Variants in DBR1 observed in about 807,000 individuals in gnomAD.
DBR1 encodes the protein debranching RNA lariats 1.
A neutral mutation model predicts 45.9 loss-of-function variants in DBR1; 33 were observed. The observed-to-expected ratio is 0.72, with a 90% CI of 0.55 to 0.96. The LOEUF is 0.96. Ranked by LOEUF, DBR1 falls within the 40% of genes least tolerant of loss-of-function variation. The pLI is 0.00. For missense variants in DBR1, 619 were observed against 667.4 expected, an observed-to-expected ratio of 0.93 and a Z score of 0.80; for synonymous variants, 235 against 235.9, an observed-to-expected ratio of 1.00 and a Z score of 0.04.
At chr3:138,163,738 A>C in intron 6 of DBR1, 40 bp downstream of exon 6, 2 of 1,400,338 alleles carry the variant, frequency 1.4e-6, no homozygotes, top group South Asian at 1.4e-5. Context: ...AGTCTCTGGA[A>C]GAGTACAACT....
At chr3:138,174,003 A>C (rs2042967044) in intron 1 of DBR1, among the ~76,000 whole-genome samples, 3 of 145,038 alleles carry the variant, frequency 2.1e-5, no homozygotes, top group African/African-American at 5.1e-5. Context: ...CCTGGGCAAC[A>C]AAGCGAAACT....
rs748550313 is a variant in DBR1, at chr3:138,162,156, A to T, written c.1368T>A (p.Asp456Glu). 1 of 1,614,188 alleles carries T rather than the reference A, an allele frequency of 6.2e-7. No individual in the cohort carries two copies. Among genetic ancestry groups the T allele is most frequent in the Non-Finnish European group, 8.5e-7 (1 of 1,180,028 alleles). Residue 456 changes from aspartate to glutamate, a missense_variant, in exon 8 of 8, where the codon GAT becomes GAA. Physicochemically the swap from Asp to Glu is conservative, Grantham distance 45. This residue lies in a region of DBR1 where 182 missense variants were observed against 196.1 expected (regional missense o/e 0.93). Transcript: ENST00000260803. ...AACTTGCAGAAAACTCAGAAGCTTG[A>T]TCAGAAGGTTCTACCGATGGTGTAT... is the stretch of plus-strand genomic sequence containing the variant. ...GMNTPSVEPS[D>E]QASEFSASFS...
intron 4 of DBR1, among the ~76,000 whole-genome samples, chr3:138,167,577 C>T (rs2042936348): frequency 6.6e-6 from 1 of 152,204 alleles, no homozygotes; most frequent in Admixed American, 6.5e-5. Flanking sequence ...ATTAGACTGC[C>T]AGTCATCTAA....
chr3:138,165,598 G>T (rs183807451), intron 5 of DBR1, among the ~76,000 whole-genome samples: 1 of 152,002 alleles, frequency 6.6e-6, no homozygotes, highest in African/African-American at 2.4e-5. Flanking sequence ...GCGTGGTGGC[G>T]GGCGCCTGTA....
intron 2 of DBR1, 33 bp from the exon 3 acceptor site, chr3:138,171,746 G>A (rs753027527): frequency 2.7e-6 from 4 of 1,475,730 alleles, no homozygotes; most frequent in Non-Finnish European, 2.8e-6. Context: ...ATTACTGTAG[G>A]CAAAAGGAAT....
Position 138,161,995 on chromosome 3 carries a change from A to G in DBR1, c.1529T>C (p.Leu510Ser). 6.2e-7 allele frequency: 1 copy of G among 1,614,114 alleles called. No homozygotes were observed. Among genetic ancestry groups the G allele is most frequent in the South Asian group, 1.1e-5 (1 of 91,080 alleles). ...GNGEDLTKVPLKRLSDEHEPE... is the reference protein window; with the variant it reads ...GNGEDLTKVPSKRLSDEHEPE... ...TTCATGTTCATCACTCAGCCTCTTCAATGGCACCTTGGTTAAGTCCTCTCC... is the reference window on the plus strand; with the variant it reads ...TTCATGTTCATCACTCAGCCTCTTCGATGGCACCTTGGTTAAGTCCTCTCC... Residue 510 changes from leucine to serine, a missense_variant, in exon 8 of 8, where the codon TTG becomes TCG. Physicochemically the swap from Leu to Ser is moderately radical, Grantham distance 145 (BLOSUM62 -2). Around this residue, in one of 3 missense-constraint regions of DBR1, gnomAD observed 182 missense variants for 196.1 expected, o/e 0.93. Coordinates refer to ENST00000260803, the MANE Select transcript of DBR1 (RefSeq NM_016216.4).
At position 138,170,192 on chromosome 3, in the gene DBR1, C is replaced by T. The variant is rs1156294933; in HGVS notation, c.404G>A (p.Gly135Asp). The T allele has an allele frequency of 5.7e-6, 9 of 1,571,658 alleles. No individual in the cohort carries two copies. The highest frequency in any genetic ancestry group is 7.8e-6 in the Non-Finnish European group (9 of 1,152,536). Residue 135 changes from glycine (G) to aspartate (D), a missense_variant and splice_region_variant, in exon 4 of 8, where the codon GGT becomes GAT. By Grantham distance (94) the Gly-to-Asp change is moderately conservative. This residue lies in a region of DBR1 where 430 missense variants were observed against 447.7 expected (regional missense o/e 0.96). Coordinates refer to ENST00000260803, the MANE Select transcript of DBR1 (RefSeq NM_016216.4). ...ATTATAAGGGGGGCACTCAAAATGA[C>T]CTTAGATTGAAGCAGAAAAATAAGC... The part of the protein sequence containing the change: ...GIFKSHDYRK[G>D]HFECPPYNSS...
At position 138,161,790 on chromosome 3, in the gene DBR1, G is replaced by A; in HGVS notation, c.*99C>T. 2 of 961,682 alleles carry A rather than the reference G, an allele frequency of 2.1e-6. No homozygotes were observed. The highest frequency in any genetic ancestry group is 3.2e-6 in the Non-Finnish European group (2 of 620,836). The allele number at this position is 961,682 out of a possible 1,614,324, so 59.6% of individuals were successfully genotyped here. On this transcript the variant is annotated 3_prime_UTR_variant, in exon 8 of 8. Transcript: ENST00000260803. ...GAACCTGGGAGGCGGAGGTTGCGGT[G>A]AGCCGAGATCACGCCATTGCACTCC...
chr3:138,163,326 G>A (rs775435450), intron 7 of DBR1, 23 bp downstream of exon 7: 3 of 1,605,758 alleles, frequency 1.9e-6, no homozygotes. Flanking sequence ...GAAAAAGCAG[G>A]TCCTAAATAA....
At chr3:138,164,844 G>A (rs1170048222) in intron 5 of DBR1, among the ~76,000 whole-genome samples, 13 of 152,034 alleles carry the variant, frequency 8.6e-5, no homozygotes, top group African/African-American at 2.4e-4. Flanking sequence ...ATGGAGTTTC[G>A]CCATGTTGGC....
rs774905003 is a variant in DBR1 at position 138,174,646 on chromosome 3, G to A, written c.150C>T (p.Arg50=). The change falls in exon 1 of 8, where the codon CGC becomes CGT. Residue 50 remains arginine, a synonymous_variant. Coordinates refer to ENST00000260803, the MANE Select transcript of DBR1 (RefSeq NM_016216.4). ...GATACTTGGGCGGCACGGCCATGCA[G>A]CGTAGATCCGCCTCGTTGCGCACCG... is the stretch of plus-strand genomic sequence containing the variant. ...FQAVRNEADL[R]CMAVPPKYRH... is the part of the protein sequence containing the mutation. The A allele has an allele frequency of 1.2e-6, 2 of 1,612,072 alleles. No individual in the cohort carries two copies. The highest frequency in any genetic ancestry group is 1.7e-6 in the Non-Finnish European group (2 of 1,179,178).
intron 3 of DBR1, 91 bp downstream of exon 3, chr3:138,171,542 A>G (rs993749001): frequency 5.2e-6 from 4 of 765,118 alleles, no homozygotes; most frequent in Non-Finnish European, 6.7e-6. Flanking sequence ...GAGGATACAA[A>G]GATATATGAA....
At chr3:138,164,892 C>A (rs901897127) in intron 5 of DBR1, among the ~76,000 whole-genome samples, 1 of 152,226 alleles carries the variant, frequency 6.6e-6, no homozygotes, top group Non-Finnish European at 1.5e-5. Context: ...AGTGATCCAC[C>A]CGCCTTGGCC....
In DBR1 at chr3:138,167,134, A is replaced by G; in HGVS notation, c.661T>C (p.Tyr221His). 6.2e-7 allele frequency: 1 copy of G among 1,614,196 alleles called. No homozygotes were observed. The highest frequency in any genetic ancestry group is 8.5e-7 in the Non-Finnish European group (1 of 1,180,040). The stretch of plus-strand genomic sequence containing the variant: ...ACATGAAGGTGGGCAGAAAACCAAT[A>G]AGTAGGTTTGAGATGCTCTAAAAGC... The part of the protein sequence containing the change: ...SELLEHLKPT[Y>H]WFSAHLHVKF... The change falls in exon 5 of 8, where the codon TAT becomes CAT. Residue 221 changes from tyrosine to histidine, a missense_variant. Physicochemically the swap from Tyr to His is moderately conservative, Grantham distance 83. Around this residue, in one of 3 missense-constraint regions of DBR1, gnomAD observed 430 missense variants for 447.7 expected, o/e 0.96. Transcript: ENST00000260803.
rs1401791085 is a variant in DBR1 at position 138,174,814 on chromosome 3, T to C, written c.-19A>G. On this transcript the variant is annotated 5_prime_UTR_variant, in exon 1 of 8. Coordinates refer to ENST00000260803, the MANE Select transcript of DBR1 (RefSeq NM_016216.4). ...CCCGCATTCTGCCGGCCTGAGGAGG[T>C]GAGCGCTGCCTGCAACGCCCTACAC... 1 of 1,604,994 alleles carries C rather than the reference T, an allele frequency of 6.2e-7. No homozygotes were observed. The highest frequency in any genetic ancestry group is 8.5e-7 in the Non-Finnish European group (1 of 1,177,070).
In DBR1 at chr3:138,174,591, G is replaced by C; in HGVS notation, c.197+8C>G. The C allele has an allele frequency of 2.5e-6, 4 of 1,574,676 alleles. No individual in the cohort carries two copies. Among genetic ancestry groups the C allele is most frequent in the Non-Finnish European group, 3.5e-6 (4 of 1,152,516 alleles). On this transcript the variant is annotated splice_region_variant and intron_variant, in intron 1 of 7. Transcript: ENST00000260803. ...CACCGCCAAGTCCGGGCCCGGCCGC[G>C]TCCTCACCTGTAGAAGGTTTGCATG...
chr3:138,161,112 T>C lies in DBR1; in HGVS notation c.*777A>G, dbSNP rs1224408406. 1 of 152,142 alleles carries C rather than the reference T, an allele frequency of 6.6e-6. No homozygotes were observed. The highest frequency in any genetic ancestry group is 1.5e-5 in the Non-Finnish European group (1 of 68,028). 9.4% of individuals were successfully genotyped at this position (152,142 alleles called of 1,614,324 possible). A position where few individuals can be genotyped will look rare whatever the true frequency, so the allele number is the denominator to read the frequency against. On this transcript the variant is annotated 3_prime_UTR_variant, in exon 8 of 8. Transcript: ENST00000260803. ...AAAAGCTGATCAGGAAAAATATTTA[T>C]AATAAATGAAAAGAAAGCATACATC...
chr3:138,164,576 T>C (rs913786553), intron 5 of DBR1, among the ~76,000 whole-genome samples: 15 of 152,244 alleles, frequency 9.9e-5, no homozygotes, highest in Admixed American at 6.5e-4. Context: ...AACTAGATGA[T>C]GTGATATTAG....
intron 3 of DBR1, among the ~76,000 whole-genome samples, chr3:138,171,033 A>G (rs115281774): frequency 0.015 from 2,347 of 152,322 alleles, 60 homozygotes; most frequent in African/African-American, 0.053. Flanking sequence ...ATAATCAAGT[A>G]AATTATAATC....
Sources: gnomAD v4.1 joint callset for allele counts (sites outside exome capture counted in the v4.1 genomes callset) on GRCh38, gnomAD v4.1.1 for gene constraint, gnomAD v4.1.1 regional missense constraint, MANE v1.5 for transcripts, NCBI Gene and HGNC (gene_info 2026-07-23, HGNC 2026-07-21) for gene names.